ILRUN: variants seen among roughly 807,000 people sequenced by gnomAD.
ILRUN encodes inflammation and lipid regulator with UBA-like and NBR1-like domains.
In ILRUN, 3 loss-of-function variants were observed where a neutral mutation model predicts 33.8. The observed-to-expected ratio is 0.09, with a 90% CI of 0.04 to 0.23. The LOEUF (loss-of-function observed/expected upper bound fraction) is 0.23. Ranked by LOEUF, ILRUN falls within the 10% of genes least tolerant of loss-of-function variation. ILRUN has a pLI of 1.00. For synonymous variants in ILRUN, 124 were observed against 138.9 expected (o/e 0.89, Z 0.75); for missense variants, 210 against 375.1 (o/e 0.56, Z 3.64).
In ILRUN at chr6:34,606,638, C is replaced by A; in HGVS notation, c.778G>T (p.Asp260Tyr). The A allele has an allele frequency of 6.2e-7, 1 of 1,614,200 alleles. No individual in the cohort carries two copies. Among genetic ancestry groups the A allele is most frequent in the Non-Finnish European group, 8.5e-7 (1 of 1,180,034 alleles). The change falls in exon 4 of 5, where the codon GAC (aspartate) becomes TAC (tyrosine). Residue 260 changes from aspartate (D) to tyrosine (Y), a missense_variant. Asp to Tyr is a radical substitution (Grantham distance 160). This residue lies in a region of ILRUN where 81 missense variants were observed against 97.0 expected (regional missense o/e 0.84). Coordinates refer to ENST00000374023, the MANE Select transcript of ILRUN (RefSeq NM_024294.4). ...GAGTTCTGTGACAGTCTATTCTGGTCTTGCTCAGTTTGGTCAGGAGCAGGA... is the reference window on the plus strand; with the variant it reads ...GAGTTCTGTGACAGTCTATTCTGGTATTGCTCAGTTTGGTCAGGAGCAGGA... Reference protein sequence around the residue: ...WAPAPDQTEQDQNRLSQNSVN... With the variant: ...WAPAPDQTEQYQNRLSQNSVN...
chr6:34,619,518 CCTGA>C lies in ILRUN; in HGVS notation c.512-12618_512-12615del, dbSNP rs199783510. ...CTACACGCAGGCACTTGCCACCATG[CCTGA>C]CTATTTACTTTTTGTAGAAATGGGG... On this transcript the variant is annotated intron_variant, in intron 3 of 4. Transcript: ENST00000374023. 3.0e-4 allele frequency among the ~76,000 whole-genome samples: 46 copies of C among 152,136 alleles called. No individual in the cohort carries two copies. The East Asian group carries it at 5.2e-3, about 17-fold the overall frequency.
intron 4 of ILRUN, among the ~76,000 whole-genome samples, chr6:34,599,554 T>TA (rs201197124): frequency 3.7e-4 from 56 of 151,310 alleles, no homozygotes; most frequent in South Asian, 1.5e-3. Context: ...TTGCCTTGTT[T>TA]AAAAAAAAAG....
At chr6:34,637,843 TTGCTGC>T (rs1203721482) in intron 3 of ILRUN, among the ~76,000 whole-genome samples, 17 of 141,352 alleles carry the variant, frequency 1.2e-4, no homozygotes, top group South Asian at 2.3e-4. Flanking sequence ...GCTGTTGTTG[TTGCTGC>T]TGCTGCTGCT....
At chr6:34,694,487 G>C (rs941090244) in intron 1 of ILRUN, among the ~76,000 whole-genome samples, 1 of 152,194 alleles carries the variant, frequency 6.6e-6, no homozygotes, top group Non-Finnish European at 1.5e-5. Flanking sequence ...TTTCACCAGA[G>C]TAATAGCTTT....
rs149096379 is a variant in ILRUN at position 34,591,236 on chromosome 6, AT to A, written c.862-637del. Among the ~76,000 whole-genome samples, 648 of 152,286 alleles carry A rather than the reference AT, an allele frequency of 4.3e-3. 5 individuals carry two copies. Among genetic ancestry groups the A allele is most frequent in the African/African-American group, 0.015 (603 of 41,552 alleles). ...CCAAGTGTGGTGGCTCACGCCTGTA[AT>A]CCCAGGACCCCATAAGGCCAAGGAA... On this transcript the variant is annotated intron_variant, in intron 4 of 4. Coordinates refer to ENST00000374023, the MANE Select transcript of ILRUN (RefSeq NM_024294.4).
At chr6:34,628,421 T>C (rs1317406801) in intron 3 of ILRUN, among the ~76,000 whole-genome samples, 5 of 152,054 alleles carry the variant, frequency 3.3e-5, no homozygotes, top group Admixed American at 6.6e-5. Flanking sequence ...CCTCCCAGGT[T>C]CACGCCATTC....
intron 4 of ILRUN, among the ~76,000 whole-genome samples, chr6:34,591,085 G>T (rs1420462539): frequency 6.6e-6 from 1 of 152,110 alleles, no homozygotes; most frequent in Non-Finnish European, 1.5e-5. Context: ...CAGTACTAGG[G>T]GCTTATCCTA....
chr6:34,692,617 T>G (rs1763670648), intron 1 of ILRUN, among the ~76,000 whole-genome samples: 1 of 152,178 alleles, frequency 6.6e-6, no homozygotes. Flanking sequence ...TAGATTTCAT[T>G]AATTATGATG....
rs149314142 is a variant in ILRUN at position 34,655,365 on chromosome 6, A to G, written c.159-586T>C. 3.9e-3 allele frequency among the ~76,000 whole-genome samples: 592 copies of G among 152,328 alleles called. 3 individuals carry two copies. Among genetic ancestry groups the G allele is most frequent in the Non-Finnish European group, 7.3e-3 (498 of 68,018 alleles). ...TTTTCCTCAACATACACACACAGAT[A>G]TAACTGTTCATATTACTTTCTTAAA... On this transcript the variant is annotated intron_variant, in intron 1 of 4. Transcript: ENST00000374023.
chr6:34,592,769 A>G lies in ILRUN; in HGVS notation c.862-2169T>C, dbSNP rs1315941851. On this transcript the variant is annotated intron_variant, in intron 4 of 4. Coordinates refer to ENST00000374023, the MANE Select transcript of ILRUN (RefSeq NM_024294.4). This position sits in a 1 kb window ranked among gnomAD's most constrained non-coding sequence, Gnocchi z 4.0. ...CCTGACTCAGCAGTTCCCAACAACA[A>G]TCATTCATCTAGAACTACCCAAGGA... is the stretch of plus-strand genomic sequence containing the variant. Among the ~76,000 whole-genome samples, 1 of 152,172 alleles carries G rather than the reference A, an allele frequency of 6.6e-6. No homozygotes were observed. Among genetic ancestry groups the G allele is most frequent in the Middle Eastern group, 3.2e-3 (1 of 316 alleles).
intron 3 of ILRUN, among the ~76,000 whole-genome samples, chr6:34,621,673 A>G (rs1295634838): frequency 6.6e-6 from 1 of 152,098 alleles, no homozygotes; most frequent in Non-Finnish European, 1.5e-5. Context: ...AGCCTGGCTA[A>G]ACATGGTGAA....
At chr6:34,591,457 T>G (rs968021394) in intron 4 of ILRUN, among the ~76,000 whole-genome samples, 1 of 151,702 alleles carries the variant, frequency 6.6e-6, no homozygotes, top group Non-Finnish European at 1.5e-5. Context: ...ATTACGCCAC[T>G]GCACCACTCC....
chr6:34,693,412 T>C (rs1763688029), intron 1 of ILRUN, among the ~76,000 whole-genome samples: 1 of 151,980 alleles, frequency 6.6e-6, no homozygotes, highest in South Asian at 2.1e-4. Context: ...TGGAGTGCAG[T>C]GGCATGATCA....
chr6:34,682,251 G>GC (rs1763377822), intron 1 of ILRUN, among the ~76,000 whole-genome samples: 1 of 51,072 alleles, frequency 2.0e-5, no homozygotes, highest in African/African-American at 9.5e-5. Context: ...TGCAACCTCT[G>GC]TTTTTTTTTT....
intron 3 of ILRUN, among the ~76,000 whole-genome samples, chr6:34,642,000 G>C (rs1299064977): frequency 6.6e-6 from 1 of 152,052 alleles, no homozygotes; most frequent in Non-Finnish European, 1.5e-5. Flanking sequence ...AGGCACTAAG[G>C]ACAAGACATC....
intron 2 of ILRUN, 56 bp downstream of exon 2, chr6:34,654,569 T>G: frequency 6.6e-7 from 1 of 1,521,558 alleles, no homozygotes; most frequent in Non-Finnish European, 8.9e-7. Flanking sequence ...TCCTTCTTAT[T>G]TAACTATTAA....
In ILRUN at chr6:34,637,577, G is replaced by GAAAA. The variant is rs1762388635; in HGVS notation, c.511+9023_511+9024insTTTT. Among the ~76,000 whole-genome samples the GAAAA allele has an allele frequency of 3.3e-5, 5 of 152,202 alleles. No homozygotes were observed. The East Asian group carries it at 9.7e-4, about 29-fold the overall frequency. ...TCTATACATGTGTATGGTAAGTTGA[G>GAAAA]GAGTAAGAAAATTAATTTTAAAGCA... On this transcript the variant is annotated intron_variant, in intron 3 of 4. Coordinates refer to ENST00000374023, the MANE Select transcript of ILRUN (RefSeq NM_024294.4).
At chr6:34,673,832 T>TAC (rs71000079) in intron 1 of ILRUN, among the ~76,000 whole-genome samples, 28,660 of 111,012 alleles carry the variant, frequency 0.26, 5,957 homozygotes, top group Middle Eastern at 0.29. Flanking sequence ...AACAACCACA[T>TAC]ACACACACAC....
intron 3 of ILRUN, among the ~76,000 whole-genome samples, chr6:34,635,574 AGG>A (rs1472492390): frequency 6.2e-5 from 2 of 32,478 alleles, no homozygotes; most frequent in Non-Finnish European, 1.3e-4. Flanking sequence ...GAAGGGAGGG[AGG>A]GAGGGAGGGA....
Sources: gnomAD v4.1 joint callset for allele counts (sites outside exome capture counted in the v4.1 genomes callset) on GRCh38, gnomAD v4.1.1 for gene constraint, gnomAD v4.1.1 regional missense constraint, Gnocchi (gnomAD v3.1) non-coding constraint, MANE v1.5 for transcripts, NCBI Gene and HGNC (gene_info 2026-07-23, HGNC 2026-07-21) for gene names.